Variants in HDAC9 observed in about 807,000 individuals in gnomAD.
HDAC9 encodes histone deacetylase 9.
Under a neutral mutation model 139.4 loss-of-function variants are expected in HDAC9, and 41 were observed. The observed-to-expected ratio is 0.29, with a 90% CI of 0.23 to 0.38. The LOEUF is 0.38. HDAC9 is among the 10% of genes least tolerant of loss of function. The pLI, the probability that HDAC9 is intolerant of heterozygous loss-of-function variation, is 1.00. For synonymous variants in HDAC9, 517 were observed against 476.2 expected (o/e 1.09, Z -1.12); for missense variants, 1,147 against 1,297.0 (o/e 0.88, Z 1.78).
At chr7:18,811,993 G>A (rs1794211923) in intron 17 of HDAC9, among the ~76,000 whole-genome samples, 1 of 151,806 alleles carries the variant, frequency 6.6e-6, no homozygotes, top group Admixed American at 6.6e-5. Flanking sequence ...ATATACACAT[G>A]TAGCTTATGC....
chr7:18,945,147 A>G lies in HDAC9; in HGVS notation c.2938-8999A>G, dbSNP rs547299072. ...GGCAGTTACAATTTGTACTCCTACC[A>G]GTGGCATACAAGTGTTTACACAGTT... On this transcript the variant is annotated intron_variant, in intron 23 of 25. Coordinates refer to ENST00000686413, the MANE Select transcript of HDAC9 (RefSeq NM_178425.4). Among the ~76,000 whole-genome samples the G allele has an allele frequency of 6.6e-4, 101 of 152,346 alleles. 2 individuals are homozygous for G. The highest frequency in any genetic ancestry group is 2.3e-3 in the African/African-American group (95 of 41,582).
intron 1 of HDAC9, among the ~76,000 whole-genome samples, chr7:18,151,224 CAG>C (rs769019521): frequency 2.8e-4 from 43 of 152,292 alleles, no homozygotes; most frequent in Non-Finnish European, 5.3e-4. Context: ...CTTTCTCACT[CAG>C]GGGGAATAGA....
intron 1 of HDAC9, among the ~76,000 whole-genome samples, chr7:18,483,802 G>A (rs1424321246): frequency 6.6e-6 from 1 of 152,048 alleles, no homozygotes; most frequent in African/African-American, 2.4e-5. Flanking sequence ...TTTATTACCA[G>A]AAAGGCTTAT....
chr7:18,538,368 T>C (rs749824740), intron 2 of HDAC9, among the ~76,000 whole-genome samples: 5 of 152,178 alleles, frequency 3.3e-5, no homozygotes, highest in Non-Finnish European at 7.3e-5. Flanking sequence ...AAAAGTAAAG[T>C]CTGTGAGTTG....
At chr7:18,534,782 C>G (rs1563181533) in intron 2 of HDAC9, among the ~76,000 whole-genome samples, 1 of 152,154 alleles carries the variant, frequency 6.6e-6, no homozygotes, top group African/African-American at 2.4e-5. Context: ...GAGCTGTGGC[C>G]TCACCTCAGT....
intron 2 of HDAC9, among the ~76,000 whole-genome samples, chr7:18,255,912 C>T (rs564471507): frequency 1.4e-4 from 22 of 152,194 alleles, no homozygotes; most frequent in Non-Finnish European, 2.5e-4. Flanking sequence ...TAGGTGTGAG[C>T]CACCATGCCT....
chr7:18,148,559 C>G (rs117521152), intron 1 of HDAC9, among the ~76,000 whole-genome samples: 2 of 152,152 alleles, frequency 1.3e-5, no homozygotes, highest in Non-Finnish European at 2.9e-5. Context: ...CGGGCTCATG[C>G]GATTCCCCCA....
intron 23 of HDAC9, among the ~76,000 whole-genome samples, chr7:18,945,280 G>A (rs543220029): frequency 3.9e-5 from 6 of 152,272 alleles, no homozygotes; most frequent in East Asian, 3.9e-4. Flanking sequence ...ACGCTAATGC[G>A]GTAAAGCAGT....
intron 2 of HDAC9, among the ~76,000 whole-genome samples, chr7:18,279,614 C>T (rs190044444): frequency 1.8e-4 from 28 of 151,802 alleles, no homozygotes; most frequent in African/African-American, 5.3e-4. Context: ...TACAGGCGCC[C>T]GCCACCACAG....
chr7:18,135,409 G>T (rs570089433), intron 1 of HDAC9, among the ~76,000 whole-genome samples: 1 of 138,956 alleles, frequency 7.2e-6, no homozygotes, highest in South Asian at 2.4e-4. Context: ...CCACTAACTC[G>T]TCATCTAGCA....
At chr7:18,812,280 A>G (rs76363130) in intron 17 of HDAC9, among the ~76,000 whole-genome samples, 2,168 of 152,024 alleles carry the variant, frequency 0.014, 45 homozygotes, top group African/African-American at 0.048. Context: ...AGTGTTCTGT[A>G]TTCATTTGAG....
intron 2 of HDAC9, among the ~76,000 whole-genome samples, chr7:18,536,857 ACTC>A (rs1811082539): frequency 6.6e-6 from 1 of 152,184 alleles, no homozygotes; most frequent in South Asian, 2.1e-4. Flanking sequence ...TATAGTTACT[ACTC>A]TTTTGGAAGA....
chr7:18,509,038 C>T (rs1182677650), intron 2 of HDAC9, among the ~76,000 whole-genome samples: 1 of 152,158 alleles, frequency 6.6e-6, no homozygotes, highest in African/African-American at 2.4e-5. Context: ...ATGAAGGTGA[C>T]ACATCTATTT....
intron 1 of HDAC9, among the ~76,000 whole-genome samples, chr7:18,330,681 A>G (rs557144447): frequency 6.6e-6 from 1 of 151,692 alleles, no homozygotes; most frequent in African/African-American, 2.4e-5. Flanking sequence ...TTGTTACCTT[A>G]TAACACATGC....
At chr7:18,312,957 T>C (rs779109398) in intron 1 of HDAC9, among the ~76,000 whole-genome samples, 3 of 152,148 alleles carry the variant, frequency 2.0e-5, no homozygotes, top group Non-Finnish European at 4.4e-5. Flanking sequence ...AGCTACTTTA[T>C]TCTCCATAGC....
chr7:18,531,419 T>C (rs1213278872), intron 2 of HDAC9, among the ~76,000 whole-genome samples: 2 of 152,152 alleles, frequency 1.3e-5, no homozygotes, highest in Non-Finnish European at 2.9e-5. Flanking sequence ...TGTTGAATGA[T>C]TTATCTTAAT....
chr7:18,817,577 T>TA (rs1385250074), intron 17 of HDAC9, among the ~76,000 whole-genome samples: 2 of 152,180 alleles, frequency 1.3e-5, no homozygotes, highest in Admixed American at 6.5e-5. Flanking sequence ...CAACTTAATA[T>TA]AAAAAATCAG....
intron 13 of HDAC9, among the ~76,000 whole-genome samples, chr7:18,741,578 T>G (rs980295531): frequency 1.3e-5 from 2 of 152,222 alleles, no homozygotes; most frequent in African/African-American, 2.4e-5. Context: ...GCAATGAGAT[T>G]AAGTTTTCAT....
chr7:18,761,186 ATATT>A (rs1789354406), intron 14 of HDAC9, among the ~76,000 whole-genome samples: 1 of 152,246 alleles, frequency 6.6e-6, no homozygotes, highest in African/African-American at 2.4e-5. Context: ...CACCAGCACA[ATATT>A]TATCAGGCTC....
Sources: allele counts gnomAD v4.1 joint callset (sites outside exome capture counted in the v4.1 genomes callset), GRCh38; gene constraint gnomAD v4.1.1; transcripts MANE v1.5; gene names NCBI Gene and HGNC (gene_info 2026-07-23, HGNC 2026-07-21).